Variants in ZBTB46 observed in about 807,000 individuals in gnomAD.
ZBTB46 encodes the protein zinc finger and BTB domain-containing protein 46.
Under a neutral mutation model 44.1 loss-of-function variants are expected in ZBTB46, and 8 were observed. The observed-to-expected ratio is 0.18, with a 90% CI of 0.11 to 0.33. ZBTB46 has a LOEUF of 0.33. ZBTB46 is among the 10% of genes least tolerant of loss of function. The probability of loss-of-function intolerance (pLI) is 1.00; values close to 1 mark genes in which losing one functional copy is unlikely to be tolerated. For synonymous variants in ZBTB46, 409 were observed against 382.3 expected (o/e 1.07, Z -0.81); for missense variants, 651 against 847.7 (o/e 0.77, Z 2.88).
chr20:63,818,832 A>G (rs1322049318), intron 1 of ZBTB46, among the ~76,000 whole-genome samples: 1 of 144,856 alleles, frequency 6.9e-6, no homozygotes, highest in Non-Finnish European at 1.5e-5. Flanking sequence ...AGATCGCGCC[A>G]CTGCACTCCA....
intron 3 of ZBTB46, among the ~76,000 whole-genome samples, chr20:63,772,827 G>A (rs2092388150): frequency 6.6e-6 from 1 of 151,998 alleles, no homozygotes; most frequent in African/African-American, 2.4e-5. Flanking sequence ...AGGATGCAGA[G>A]GACACAGCAC....
At chr20:63,779,737 T>G (rs1446137498) in intron 2 of ZBTB46, among the ~76,000 whole-genome samples, 2 of 151,506 alleles carry the variant, frequency 1.3e-5, no homozygotes, top group African/African-American at 4.9e-5. Flanking sequence ...TTTTTGTATT[T>G]TTAGTAGAGA....
chr20:63,757,747 C>A (rs2092233833), intron 3 of ZBTB46, among the ~76,000 whole-genome samples: 1 of 152,174 alleles, frequency 6.6e-6, no homozygotes, highest in African/African-American at 2.4e-5. Context: ...CCTCCCAGTT[C>A]CTAGAGATAG....
At chr20:63,820,407 C>T (rs6011157) in intron 1 of ZBTB46, among the ~76,000 whole-genome samples, 27,175 of 151,038 alleles carry the variant, frequency 0.18, 2,954 homozygotes, top group East Asian at 0.46. Flanking sequence ...CCAATGTAAA[C>T]AGGCACACTT....
chr20:63,815,428 TG>T (rs1285762016), intron 1 of ZBTB46, among the ~76,000 whole-genome samples: 144 of 127,880 alleles, frequency 1.1e-3, no homozygotes, highest in African/African-American at 4.1e-3. Flanking sequence ...TGGGTGCAGG[TG>T]GGCACAGGTG....
At chr20:63,793,955 G>C (rs2092581314) in intron 1 of ZBTB46, among the ~76,000 whole-genome samples, 1 of 152,180 alleles carries the variant, frequency 6.6e-6, no homozygotes, top group Non-Finnish European at 1.5e-5. Context: ...GGGAGGCCGA[G>C]GCGGGTGGAT....
rs200156586 is a variant in ZBTB46, at chr20:63,789,873, C to T, written c.885G>A (p.Pro295=). 3.7e-5 allele frequency: 59 copies of T among 1,613,458 alleles called. No homozygotes were observed. The highest frequency in any genetic ancestry group is 9.3e-5 in the African/African-American group (7 of 74,940). The part of the protein sequence containing the change: ...QVEDDSRASS[P]VPSFLPTSGW... ...CCGACGTCGGCAGGAAGGACGGCAC[C>T]GGGGAGCTGGCCCGGCTGTCATCTT... The change falls in exon 2 of 5, where the codon CCG becomes CCA. Residue 295 remains proline, a synonymous_variant. Coordinates refer to ENST00000245663, the MANE Select transcript of ZBTB46 (RefSeq NM_001369741.1).
At chr20:63,817,112 AAAAAG>A (rs3068852) in intron 1 of ZBTB46, among the ~76,000 whole-genome samples, 25,967 of 151,202 alleles carry the variant, frequency 0.17, 2,631 homozygotes, top group East Asian at 0.44. Context: ...TCTCAAAAAA[AAAAAG>A]AAAAGAAAAG....
chr20:63,827,729 C>G (rs1221356261), intron 1 of ZBTB46, among the ~76,000 whole-genome samples: 1 of 151,882 alleles, frequency 6.6e-6, no homozygotes, highest in Non-Finnish European at 1.5e-5. Flanking sequence ...AATTTTTAAT[C>G]CAGATAATGA....
At chr20:63,770,089 A>G (rs2092354397) in intron 3 of ZBTB46, among the ~76,000 whole-genome samples, 1 of 152,232 alleles carries the variant, frequency 6.6e-6, no homozygotes, top group African/African-American at 2.4e-5. Context: ...TTACACCAGC[A>G]ACGCTCCAGA....
At position 63,747,081 on chromosome 20, in the gene ZBTB46, T is replaced by C. The variant is rs2145741163; in HGVS notation, c.1619A>G (p.Asp540Gly). The C allele has an allele frequency of 6.2e-7, 1 of 1,609,098 alleles. No homozygotes were observed. Among genetic ancestry groups the C allele is most frequent in the East Asian group, 2.2e-5 (1 of 44,764 alleles). The change falls in exon 5 of 5, where the codon GAC (aspartate) becomes GGC (glycine). Residue 540 changes from aspartate (D) to glycine (G), a missense_variant. Physicochemically the swap from Asp to Gly is moderately conservative, Grantham distance 94 (BLOSUM62 -1). Transcript: ENST00000245663. ...CAGCTCCTCCGCCTCCCCTCGTGGGTCCTCAGGGTCCTCCAGATAGGGCCC... is the reference window on the plus strand; with the variant it reads ...CAGCTCCTCCGCCTCCCCTCGTGGGCCCTCAGGGTCCTCCAGATAGGGCCC... ...GDGPYLEDPE[D>G]PRGEAEELGE... is the part of the protein sequence containing the mutation.
chr20:63,795,461 G>C (rs553443326), intron 1 of ZBTB46, among the ~76,000 whole-genome samples: 1 of 152,384 alleles, frequency 6.6e-6, no homozygotes, highest in East Asian at 1.9e-4. Context: ...CGTGGGGCCT[G>C]TCCTGCCAGG....
At chr20:63,754,835 G>A (rs1360521740) in intron 3 of ZBTB46, among the ~76,000 whole-genome samples, 6 of 151,876 alleles carry the variant, frequency 4.0e-5, no homozygotes, top group Non-Finnish European at 7.4e-5. Context: ...TCCTGACCTC[G>A]TGATCCGCCC....
intron 1 of ZBTB46, among the ~76,000 whole-genome samples, chr20:63,813,590 A>G (rs2092730364): frequency 6.6e-6 from 1 of 152,056 alleles, no homozygotes; most frequent in African/African-American, 2.4e-5. Context: ...ACCTGGTTCT[A>G]CTGACGGCTC....
chr20:63,831,277 G>C (rs1324151414), upstream of ZBTB46: 1 of 135,648 alleles, frequency 7.4e-6, no homozygotes, highest in Non-Finnish European at 1.6e-5. Context: ...CCCCGCGCCC[G>C]CTCCAACCCC....
chr20:63,816,040 C>T (rs565160064), intron 1 of ZBTB46, among the ~76,000 whole-genome samples: 3 of 130,320 alleles, frequency 2.3e-5, no homozygotes, highest in Non-Finnish European at 3.2e-5. Context: ...GGCACAGGTG[C>T]GGTGGGTGCA....
At position 63,790,112 on chromosome 20, in the gene ZBTB46, G is replaced by GACT. The variant is rs757002898; in HGVS notation, c.645_646insAGT (p.Pro215_Leu216insSer). 1 of 1,614,026 alleles carries GACT rather than the reference G, an allele frequency of 6.2e-7. No homozygotes were observed. The highest frequency in any genetic ancestry group is 1.7e-5 in the Admixed American group (1 of 60,016). ...CCGTAGCCCACGTCTCCAGGCCATA[G>GACT]AGGCTGTGAAGAAACATCATCAGGG... On this transcript the variant is annotated inframe_insertion, in exon 2 of 5. Coordinates refer to ENST00000245663, the MANE Select transcript of ZBTB46 (RefSeq NM_001369741.1).
In ZBTB46 at chr20:63,752,916, G is replaced by A. The variant is rs755417396; in HGVS notation, c.1223-55C>T. On this transcript the variant is annotated intron_variant, in intron 3 of 4. Coordinates refer to ENST00000245663, the MANE Select transcript of ZBTB46 (RefSeq NM_001369741.1). The surrounding 1 kb of genome is among the most constrained non-coding windows in gnomAD (Gnocchi z 5.6). ...CAGGGCTTGGGATGTACCGCCCTGCGGCCCACAGACCACGGCTGCACGCCG... is the reference window on the plus strand; with the variant it reads ...CAGGGCTTGGGATGTACCGCCCTGCAGCCCACAGACCACGGCTGCACGCCG... The A allele has an allele frequency of 2.6e-6, 4 of 1,531,452 alleles. No homozygotes were observed. Among genetic ancestry groups the A allele is most frequent in the Non-Finnish European group, 2.6e-6 (3 of 1,134,770 alleles). The allele number at this position is 1,531,452 out of a possible 1,614,324, so 94.9% of individuals were successfully genotyped here.
chr20:63,780,108 T>C (rs1036951960), intron 2 of ZBTB46, among the ~76,000 whole-genome samples: 1 of 151,550 alleles, frequency 6.6e-6, no homozygotes, highest in Non-Finnish European at 1.5e-5. Context: ...CCGTCTCTAC[T>C]AAAATACAAA....
Sources: allele counts gnomAD v4.1 joint callset (sites outside exome capture counted in the v4.1 genomes callset), GRCh38; gene constraint gnomAD v4.1.1; non-coding constraint Gnocchi (gnomAD v3.1); transcripts MANE v1.5; gene names NCBI Gene and HGNC (gene_info 2026-07-23, HGNC 2026-07-21).